The following DNAH2 variants were observed in gnomAD, a reference collection of about 807,000 sequenced individuals.
DNAH2 encodes dynein axonemal heavy chain 2.
DNAH2 carries 323 observed loss-of-function variants against 523.5 expected under a neutral mutation model. That is an observed-to-expected ratio of 0.62 (90% CI 0.56 to 0.68). The LOEUF (loss-of-function observed/expected upper bound fraction) is 0.68, where lower values mean the gene tolerates loss of function less well. Ranked by LOEUF, DNAH2 falls within the 30% of genes least tolerant of loss-of-function variation. The probability of loss-of-function intolerance (pLI) is 0.00; values close to 1 mark genes in which losing one functional copy is unlikely to be tolerated. For synonymous variants in DNAH2, 2,093 were observed against 2,177.4 expected, an observed-to-expected ratio of 0.96 and a Z score of 1.08; for missense variants, 4,907 against 5,701.5, an observed-to-expected ratio of 0.86 and a Z score of 4.49.
rs2077951012 is a variant in DNAH2, at chr17:7,824,135, A to G, written c.11493A>G (p.Ser3831=). Reference sequence around the variant, plus strand: ...GCTTCTGGCAGGTGCTGGAGGATTCAACCCCACGATCCCCACTCGTGTTCA... The same window carrying G: ...GCTTCTGGCAGGTGCTGGAGGATTCGACCCCACGATCCCCACTCGTGTTCA... The part of the protein sequence containing the change: ...VLNMKSVLED[S]TPRSPLVFIL... The change falls in exon 76 of 86, where the codon TCA becomes TCG. Residue 3831 remains serine (S), a synonymous_variant. Transcript: ENST00000572933. 6.4e-7 allele frequency: 1 copy of G among 1,561,638 alleles called. No individual in the cohort carries two copies. The highest frequency in any genetic ancestry group is 8.6e-7 in the Non-Finnish European group (1 of 1,156,524).
At chr17:7,735,983 C>A (rs1034337502) in intron 7 of DNAH2, among the ~76,000 whole-genome samples, 5 of 151,814 alleles carry the variant, frequency 3.3e-5, no homozygotes, top group Non-Finnish European at 5.9e-5. Flanking sequence ...GAACTCCTGA[C>A]CTCAGGTGAT....
chr17:7,821,427 A>C lies in DNAH2; in HGVS notation c.11142+58A>C. On this transcript the variant is annotated intron_variant, in intron 73 of 85. Transcript: ENST00000572933. The surrounding 1 kb of genome is among the most constrained non-coding windows in gnomAD (Gnocchi z 5.0). ...GATGGTCAAGGTTGGGGATGAGGGC[A>C]AGTGTGACAAGGACTCCAGACCCAG... 6.4e-7 allele frequency: 1 copy of C among 1,564,052 alleles called. No homozygotes were observed. Among genetic ancestry groups the C allele is most frequent in the Non-Finnish European group, 8.7e-7 (1 of 1,151,584 alleles).
chr17:7,792,996 G>T lies in DNAH2; in HGVS notation c.7360G>T (p.Val2454Leu), dbSNP rs201319640. Residue 2454 changes from valine to leucine, a missense_variant, in exon 48 of 86, where the codon GTG becomes TTG. Physicochemically the swap from Val to Leu is conservative, Grantham distance 32. Coordinates refer to ENST00000572933, the MANE Select transcript of DNAH2 (RefSeq NM_020877.5). ...TTTTCACCAGACCACATCCAATAAC[G>T]TGCAGAGCATCATTGAGAGCAGGGT... is the stretch of plus-strand genomic sequence containing the variant. The part of the protein sequence containing the change: ...NMSAQTTSNN[V>L]QSIIESRVEK... The T allele has an allele frequency of 1.9e-6, 3 of 1,612,130 alleles. No individual in the cohort carries two copies. The highest frequency in any genetic ancestry group is 2.7e-5 in the African/African-American group (2 of 74,860).
Position 7,792,514 on chromosome 17 carries a change from G to T in DNAH2, c.7146-143G>T, listed in dbSNP as rs930684093. Reference sequence around the variant, plus strand: ...CGGGACCTAGAGGGCTTGGGACAGGGTCTCTGAGGGGAGCACATGATCCCC... The same window carrying T: ...CGGGACCTAGAGGGCTTGGGACAGGTTCTCTGAGGGGAGCACATGATCCCC... On this transcript the variant is annotated intron_variant, in intron 46 of 85. Coordinates refer to ENST00000572933, the MANE Select transcript of DNAH2 (RefSeq NM_020877.5). 4.2e-6 allele frequency: 4 copies of T among 959,394 alleles called. No homozygotes were observed. In the African/African-American group the frequency reaches 6.5e-5, roughly 16 times the overall value. The allele number at this position is 959,394 out of a possible 1,614,324, so 59.4% of individuals were successfully genotyped here. A position where few individuals can be genotyped will look rare whatever the true frequency, so the allele number is the denominator to read the frequency against.
At position 7,818,666 on chromosome 17, in the gene DNAH2, C is replaced by T; in HGVS notation, c.10560C>T (p.Gly3520=). The change falls in exon 70 of 86, where the codon GGC becomes GGT. Residue 3520 remains glycine (G), a synonymous_variant. Coordinates refer to ENST00000572933, the MANE Select transcript of DNAH2 (RefSeq NM_020877.5). ...KEQGLEAQLL[G]IVVRKERPEL... ...AGGGCCTGGAGGCCCAGCTGCTGGG[C>T]ATTGTGGTGCGGAAGGAGCGGCCTG... 1 of 1,614,060 alleles carries T rather than the reference C, an allele frequency of 6.2e-7. No individual in the cohort carries two copies. The highest frequency in any genetic ancestry group is 8.5e-7 in the Non-Finnish European group (1 of 1,180,016).
chr17:7,797,627 G>A (rs538520344), intron 52 of DNAH2, 53 bp from the exon 53 acceptor site: 7 of 1,613,746 alleles, frequency 4.3e-6, no homozygotes, highest in East Asian at 2.2e-5. Flanking sequence ...GAGCCCTGTG[G>A]GGGGAGGCAA....
chr17:7,820,584 C>A (rs927920630), intron 72 of DNAH2, among the ~76,000 whole-genome samples: 1 of 152,222 alleles, frequency 6.6e-6, no homozygotes, highest in Non-Finnish European at 1.5e-5. Context: ...TCCTCGGAAA[C>A]TTTCCAAGTC....
In DNAH2 at chr17:7,749,745, C is replaced by A. The variant is rs307618; in HGVS notation, c.1904+6603C>A. Among the ~76,000 whole-genome samples, 6 of 151,920 alleles carry A rather than the reference C, an allele frequency of 3.9e-5. 1 individual carries two copies. The highest frequency in any genetic ancestry group is 1.4e-4 in the African/African-American group (6 of 41,394). On this transcript the variant is annotated intron_variant, in intron 12 of 85. Transcript: ENST00000572933. ...GGTGTGGTGGCTCATGCCTCTAATC[C>A]CAGCACTTCAGGAGGCTGAGGTGGG...
intron 8 of DNAH2, among the ~76,000 whole-genome samples, chr17:7,738,316 T>C (rs1012423491): frequency 2.6e-5 from 4 of 152,120 alleles, no homozygotes; most frequent in African/African-American, 9.7e-5. Flanking sequence ...TTCTCCTTTT[T>C]TGTTTTTTAA....
At chr17:7,818,851 A>G in intron 70 of DNAH2, 68 bp from the exon 71 acceptor site, 4 of 1,608,390 alleles carry the variant, frequency 2.5e-6, no homozygotes, top group Non-Finnish European at 3.4e-6. Flanking sequence ...TACCCCAGGC[A>G]CAACAGCATC....
chr17:7,779,431 G>C lies in DNAH2; in HGVS notation c.5722+8G>C, dbSNP rs749001821. 1 of 1,612,336 alleles carries C rather than the reference G, an allele frequency of 6.2e-7. No homozygotes were observed. Reference sequence around the variant, plus strand: ...TCATTACCATGAATCCTGGTAGGTGGCAGGGAGTGGATGGGACTCCTGGGG... The same window carrying C: ...TCATTACCATGAATCCTGGTAGGTGCCAGGGAGTGGATGGGACTCCTGGGG... On this transcript the variant is annotated splice_region_variant and intron_variant, in intron 36 of 85. Transcript: ENST00000572933.
chr17:7,758,848 C>A, intron 14 of DNAH2, 37 bp from the exon 15 acceptor site: 1 of 1,609,374 alleles, frequency 6.2e-7, no homozygotes, highest in Non-Finnish European at 8.5e-7. Flanking sequence ...GGTCTCTTCC[C>A]GAGCTGAAAC....
At chr17:7,776,692 G>C in intron 31 of DNAH2, 87 bp from the exon 32 acceptor site, 2 of 1,049,400 alleles carry the variant, frequency 1.9e-6, no homozygotes, top group Non-Finnish European at 2.9e-6. Flanking sequence ...AGAGGCACAT[G>C]GTTCTTGAAT....
intron 2 of DNAH2, among the ~76,000 whole-genome samples, chr17:7,723,055 C>T (rs192565953): frequency 7.2e-4 from 108 of 149,292 alleles, no homozygotes; most frequent in Middle Eastern, 3.5e-3. Flanking sequence ...CTACAAGCTC[C>T]GCCTCCCAGG....
intron 27 of DNAH2, 129 bp from the exon 28 acceptor site, chr17:7,771,201 G>A: frequency 7.3e-7 from 1 of 1,367,950 alleles, no homozygotes; most frequent in Non-Finnish European, 1.0e-6. Flanking sequence ...TAGAACTTGG[G>A]CATCTTGGCC....
At chr17:7,817,064 A>G (rs1003709647) in intron 64 of DNAH2, among the ~76,000 whole-genome samples, 1 of 152,234 alleles carries the variant, frequency 6.6e-6, no homozygotes, top group Non-Finnish European at 1.5e-5. Context: ...TCCTGGCTTC[A>G]CAGAAAGGTT....
In DNAH2 at chr17:7,768,033, G is replaced by A. The variant is rs141149043; in HGVS notation, c.3809G>A (p.Arg1270His). 4,643 of 1,614,094 alleles carry A rather than the reference G, an allele frequency of 2.9e-3. 37 individuals carry two copies. Among genetic ancestry groups the A allele is most frequent in the South Asian group, 0.019 (1,686 of 91,076 alleles). Reference sequence around the variant, plus strand: ...ACCACGGCCCACGGGCTGTTTCGTCGCCTCACAAAATTAGCCAAAGAGTAT... The same window carrying A: ...ACCACGGCCCACGGGCTGTTTCGTCACCTCACAAAATTAGCCAAAGAGTAT... ...METTAHGLFR[R>H]LTKLAKEYKD... is the part of the protein sequence containing the mutation. The change falls in exon 23 of 86, where the codon CGC (arginine) becomes CAC (histidine). Residue 1270 changes from arginine to histidine, a missense_variant. Arg to His is a conservative substitution (Grantham distance 29, BLOSUM62 0). Transcript: ENST00000572933.
intron 61 of DNAH2, among the ~76,000 whole-genome samples, chr17:7,805,671 C>T (rs538607704): frequency 2.6e-4 from 40 of 151,996 alleles, no homozygotes; most frequent in Non-Finnish European, 4.3e-4. Context: ...GGCAACATGA[C>T]GAAAACCCAT....
chr17:7,821,897 T>A lies in DNAH2; in HGVS notation c.11142+528T>A, dbSNP rs1437754958. On this transcript the variant is annotated intron_variant, in intron 73 of 85. Coordinates refer to ENST00000572933, the MANE Select transcript of DNAH2 (RefSeq NM_020877.5). The surrounding 1 kb of genome is among the most constrained non-coding windows in gnomAD (Gnocchi z 5.0). The stretch of plus-strand genomic sequence containing the variant: ...GGCCCCTAAGGCTTCCAGACAACCA[T>A]GCTGCACTCTCCCGCCCTCCTAGAC... Among the ~76,000 whole-genome samples the A allele has an allele frequency of 6.6e-6, 1 of 152,062 alleles. No homozygotes were observed. Among genetic ancestry groups the A allele is most frequent in the Non-Finnish European group, 1.5e-5 (1 of 68,002 alleles).
Sources: allele counts gnomAD v4.1 joint callset (sites outside exome capture counted in the v4.1 genomes callset), GRCh38; gene constraint gnomAD v4.1.1; non-coding constraint Gnocchi (gnomAD v3.1); transcripts MANE v1.5; gene names NCBI Gene and HGNC (gene_info 2026-07-23, HGNC 2026-07-21).